SYT9: variants seen among roughly 807,000 people sequenced by gnomAD.
SYT9 encodes the protein synaptotagmin 9, also known as synaptotagmin-9.
In SYT9, 22 loss-of-function variants were observed where a neutral mutation model predicts 48.4. The ratio of observed to expected loss-of-function variants is 0.45; its 90% CI spans 0.32 to 0.65. The LOEUF (loss-of-function observed/expected upper bound fraction) is 0.65, where lower values mean the gene tolerates loss of function less well. Ranked by LOEUF, SYT9 falls within the 30% of genes least tolerant of loss-of-function variation. The pLI, the probability that SYT9 is intolerant of heterozygous loss-of-function variation, is 0.03. For synonymous variants in SYT9, 265 were observed against 245.0 expected, an observed-to-expected ratio of 1.08 and a Z score of -0.76; for missense variants, 577 against 622.0, an observed-to-expected ratio of 0.93 and a Z score of 0.77.
In SYT9 at chr11:7,242,710, G is replaced by C. The variant is rs371596718; in HGVS notation, c.49+3794G>C. On this transcript the variant is annotated intron_variant and NMD_transcript_variant, in intron 1 of 8. Coordinates refer to the SYT9 transcript ENST00000524820. Reference sequence around the variant, plus strand: ...TAAAGTTAGGAGTAGGTAGATTAGAGGTGGGAAAAAAAGGTCAAGAAAATT... The same window carrying C: ...TAAAGTTAGGAGTAGGTAGATTAGACGTGGGAAAAAAAGGTCAAGAAAATT... Among the ~76,000 whole-genome samples the C allele has an allele frequency of 4.6e-5, 7 of 152,140 alleles. No individual in the cohort carries two copies. The East Asian group carries it at 1.4e-3, about 29-fold the overall frequency.
chr11:7,341,251 T>TA (rs1309173373), intron 3 of SYT9, among the ~76,000 whole-genome samples: 2 of 152,160 alleles, frequency 1.3e-5, no homozygotes, highest in Non-Finnish European at 2.9e-5. Context: ...TGGAAAACAT[T>TA]AATCTTGTGT....
intron 3 of SYT9, among the ~76,000 whole-genome samples, chr11:7,366,625 T>A (rs1189618699): frequency 2.0e-5 from 3 of 152,196 alleles, no homozygotes; most frequent in Admixed American, 2.0e-4. Context: ...TTATTACTAT[T>A]ACATATTTTA....
At position 7,313,383 on chromosome 11, in the gene SYT9, T is replaced by C. The variant is rs2133952397; in HGVS notation, c.498-12T>C. 1 of 1,597,804 alleles carries C rather than the reference T, an allele frequency of 6.3e-7. No homozygotes were observed. Among genetic ancestry groups the C allele is most frequent in the East Asian group, 2.2e-5 (1 of 44,828 alleles). Reference sequence around the variant, plus strand: ...AGGTTATAACTTTGTTCTGTGTTGCTCTTCATTCAAGGCATAATTCAATCC... The same window carrying C: ...AGGTTATAACTTTGTTCTGTGTTGCCCTTCATTCAAGGCATAATTCAATCC... On this transcript the variant is annotated splice_polypyrimidine_tract_variant and intron_variant, in intron 2 of 6. Coordinates refer to ENST00000318881, the MANE Select transcript of SYT9 (RefSeq NM_175733.4).
At chr11:7,241,481 T>G (rs1037332576) in intron 1 of SYT9, among the ~76,000 whole-genome samples, 1 of 152,162 alleles carries the variant, frequency 6.6e-6, no homozygotes, top group Non-Finnish European at 1.5e-5. Context: ...GAAATTGAAG[T>G]CTCTGTGTTG....
chr11:7,301,702 T>G (rs1357246920), intron 1 of SYT9, among the ~76,000 whole-genome samples: 1 of 152,182 alleles, frequency 6.6e-6, no homozygotes, highest in Non-Finnish European at 1.5e-5. Context: ...AAAACTTTGG[T>G]TGAAGCAATG....
At chr11:7,395,285 A>T (rs1319017975) in intron 3 of SYT9, among the ~76,000 whole-genome samples, 2 of 152,168 alleles carry the variant, frequency 1.3e-5, no homozygotes, top group African/African-American at 4.8e-5. Flanking sequence ...ATTTCAGATT[A>T]TGTTCTGTGT....
intron 3 of SYT9, among the ~76,000 whole-genome samples, chr11:7,351,819 C>T (rs1174659691): frequency 6.6e-6 from 1 of 152,140 alleles, no homozygotes; most frequent in African/African-American, 2.4e-5. Context: ...GTGTGACACT[C>T]AGGCCTGAGA....
At position 7,303,440 on chromosome 11, in the gene SYT9, C is replaced by G. The variant is rs1848974201; in HGVS notation, c.497+50C>G. The G allele has an allele frequency of 4.1e-6, 6 of 1,468,080 alleles. No individual in the cohort carries two copies. In the South Asian group the frequency reaches 5.2e-5, roughly 13 times the overall value. 90.9% of individuals were successfully genotyped at this position (1,468,080 alleles called of 1,614,324 possible). ...AATGCAAGGAAGGACCACCCCATTC[C>G]CCTCTCTGGCAACAATAGCACTGAT... On this transcript the variant is annotated intron_variant, in intron 2 of 6. Coordinates refer to ENST00000318881, the MANE Select transcript of SYT9 (RefSeq NM_175733.4).
intron 3 of SYT9, among the ~76,000 whole-genome samples, chr11:7,340,969 A>C (rs889448126): frequency 4.6e-5 from 7 of 152,170 alleles, no homozygotes; most frequent in Admixed American, 2.6e-4. Flanking sequence ...ATTTTCTAGC[A>C]CCTGAAAGTA....
chr11:7,366,158 G>A (rs1455377433), intron 3 of SYT9, among the ~76,000 whole-genome samples: 1 of 152,120 alleles, frequency 6.6e-6, no homozygotes, highest in Non-Finnish European at 1.5e-5. Context: ...CCTCATCTTG[G>A]TCTCTCTATG....
At chr11:7,394,225 C>A (rs1432706587) in intron 3 of SYT9, among the ~76,000 whole-genome samples, 1 of 150,356 alleles carries the variant, frequency 6.7e-6, no homozygotes. Context: ...GGTTTTTTGT[C>A]CTTGTGATAG....
chr11:7,434,171 G>A (rs1156922510), intron 6 of SYT9, among the ~76,000 whole-genome samples: 2 of 152,208 alleles, frequency 1.3e-5, no homozygotes, highest in Non-Finnish European at 2.9e-5. Context: ...GACAGTGAAG[G>A]AAGCTACGTC....
At chr11:7,309,041 G>T (rs952804082) in intron 2 of SYT9, among the ~76,000 whole-genome samples, 1 of 152,152 alleles carries the variant, frequency 6.6e-6, no homozygotes, top group African/African-American at 2.4e-5. Flanking sequence ...TTTTGAGTTT[G>T]TTTTGGGAAA....
chr11:7,326,292 C>A (rs1276268595), intron 3 of SYT9, among the ~76,000 whole-genome samples: 1 of 56,228 alleles, frequency 1.8e-5, no homozygotes, highest in Non-Finnish European at 3.4e-5. Context: ...AATTTCAGCT[C>A]CTGTTATTGG....
Position 7,400,621 on chromosome 11 carries a change from A to G in SYT9, c.1045-15421A>G, listed in dbSNP as rs1165379381. 3.9e-4 allele frequency among the ~76,000 whole-genome samples: 59 copies of G among 152,232 alleles called. 1 individual carries two copies. The highest frequency in any genetic ancestry group is 3.9e-3 in the Admixed American group (59 of 15,282). ...GGTTTATTGAAGCACTCACTAGAGC[A>G]GCATGCATTTATAAGACAACTAGAA... On this transcript the variant is annotated intron_variant, in intron 3 of 6. Transcript: ENST00000318881.
chr11:7,261,378 T>C (rs1465188053), intron 1 of SYT9, among the ~76,000 whole-genome samples: 2 of 152,130 alleles, frequency 1.3e-5, no homozygotes, highest in East Asian at 3.9e-4. Flanking sequence ...GGGATGCCAG[T>C]TATTTGCTCA....
intron 3 of SYT9, among the ~76,000 whole-genome samples, chr11:7,395,793 T>C (rs1257191557): frequency 6.6e-6 from 1 of 152,080 alleles, no homozygotes; most frequent in Non-Finnish European, 1.5e-5. Context: ...TTTTTATTCA[T>C]CCTGTCACTC....
intron 2 of SYT9, among the ~76,000 whole-genome samples, chr11:7,312,099 T>G (rs1849146291): frequency 6.6e-6 from 1 of 152,182 alleles, no homozygotes; most frequent in Non-Finnish European, 1.5e-5. Context: ...GTGTTAGATG[T>G]GACAGGTACC....
intron 1 of SYT9, among the ~76,000 whole-genome samples, chr11:7,240,117 A>C (rs1030004679): frequency 1.7e-4 from 26 of 152,140 alleles, no homozygotes; most frequent in Non-Finnish European, 3.4e-4. Flanking sequence ...AGGGGAAGCC[A>C]GTGAAAGACA....
Sources: allele counts gnomAD v4.1 joint callset (sites outside exome capture counted in the v4.1 genomes callset), GRCh38; gene constraint gnomAD v4.1.1; transcripts MANE v1.5; gene names NCBI Gene and HGNC (gene_info 2026-07-23, HGNC 2026-07-21).